Variants in ADCY3 observed in about 807,000 individuals in gnomAD.
ADCY3 encodes adenylate cyclase type 3.
In ADCY3, 70 loss-of-function variants were observed where a neutral mutation model predicts 119.4. The observed-to-expected ratio is 0.59, with a 90% CI of 0.48 to 0.72. The LOEUF (loss-of-function observed/expected upper bound fraction) is 0.72. ADCY3 is among the 30% of genes least tolerant of loss of function. The pLI is 0.00. For synonymous variants in ADCY3, 672 were observed against 621.4 expected (o/e 1.08, Z -1.21); for missense variants, 1,238 against 1,541.6 (o/e 0.80, Z 3.30).
In ADCY3 at chr2:24,906,648, G is replaced by A. The variant is rs114977199; in HGVS notation, c.675+11665C>T. 2.5e-3 allele frequency among the ~76,000 whole-genome samples: 381 copies of A among 152,330 alleles called. 1 individual carries two copies. The highest frequency in any genetic ancestry group is 8.5e-3 in the African/African-American group (354 of 41,578). ...AACAACCCTCGGCACCATGCCATGC[G>A]CTTTGCTCAGATTCCCCTTCAGGAA... On this transcript the variant is annotated intron_variant, in intron 2 of 21. Coordinates refer to ENST00000679454, the MANE Select transcript of ADCY3 (RefSeq NM_004036.5).
intron 2 of ADCY3, among the ~76,000 whole-genome samples, chr2:24,912,995 C>T (rs1444454710): frequency 2.6e-5 from 4 of 152,240 alleles, no homozygotes; most frequent in Non-Finnish European, 4.4e-5. Context: ...TCCCCTTCTA[C>T]GCACGTCATC....
chr2:24,866,301 A>G (rs780464364), intron 3 of ADCY3, among the ~76,000 whole-genome samples: 3 of 152,082 alleles, frequency 2.0e-5, no homozygotes, highest in South Asian at 2.1e-4. Flanking sequence ...TCCCATCCAC[A>G]ATATCTAGTA....
intron 19 of ADCY3, 78 bp downstream of exon 19, chr2:24,822,433 C>CACAG: frequency 6.4e-7 from 1 of 1,572,968 alleles, no homozygotes; most frequent in Non-Finnish European, 8.7e-7. Flanking sequence ...GTTCTTATTT[C>CACAG]CCCCATGCTA....
At chr2:24,864,957 T>TACAC (rs1444824336) in intron 3 of ADCY3, among the ~76,000 whole-genome samples, 1 of 152,242 alleles carries the variant, frequency 6.6e-6, no homozygotes, top group Non-Finnish European at 1.5e-5. Context: ...CTTCCACAGA[T>TACAC]ACACTTGCAC....
intron 6 of ADCY3, among the ~76,000 whole-genome samples, chr2:24,840,286 TTC>T: frequency 6.6e-6 from 1 of 152,230 alleles, no homozygotes; most frequent in Non-Finnish European, 1.5e-5. Flanking sequence ...GGGCCTCAGT[TTC>T]TCTCTGCCAA....
At chr2:24,901,076 A>C (rs6723199) in intron 2 of ADCY3, among the ~76,000 whole-genome samples, 4,649 of 152,280 alleles carry the variant, frequency 0.031, 218 homozygotes, top group African/African-American at 0.099. Flanking sequence ...AAAAAAAAGG[A>C]AAATGAAAGA....
At chr2:24,903,692 C>T (rs1679163542) in intron 2 of ADCY3, among the ~76,000 whole-genome samples, 1 of 151,216 alleles carries the variant, frequency 6.6e-6, no homozygotes, top group South Asian at 2.1e-4. Context: ...GGGTGAGGGG[C>T]GGGGAGGAAT....
rs148690748 is a variant in ADCY3, at chr2:24,819,903, G to A, written c.*29C>T. ...TTTCAAAAAATAAATTCTCCCTTCC[G>A]GTTTGGACTGTTGCAGGCTCGAGGC... is the stretch of plus-strand genomic sequence containing the variant. On this transcript the variant is annotated 3_prime_UTR_variant, in exon 22 of 22. Transcript: ENST00000679454. The A allele has an allele frequency of 4.2e-5, 67 of 1,607,860 alleles. No individual in the cohort carries two copies. Among genetic ancestry groups the A allele is most frequent in the Middle Eastern group, 3.3e-4 (2 of 6,030 alleles).
intron 19 of ADCY3, 162 bp downstream of exon 19, chr2:24,822,349 T>C (rs895420601): frequency 4.8e-6 from 5 of 1,049,330 alleles, no homozygotes; most frequent in Admixed American, 4.7e-5. Context: ...TGCCGAACTT[T>C]CTCAATAAAC....
chr2:24,831,819 G>A, intron 11 of ADCY3, 70 bp from the exon 12 acceptor site: 1 of 673,138 alleles, frequency 1.5e-6, no homozygotes, highest in Non-Finnish European at 2.4e-6. Context: ...GCTAGGAGAG[G>A]AAGGGACGGG....
intron 2 of ADCY3, among the ~76,000 whole-genome samples, chr2:24,904,618 CA>C (rs201993608): frequency 6.6e-6 from 1 of 151,348 alleles, no homozygotes; most frequent in Non-Finnish European, 1.5e-5. Flanking sequence ...AGAAGGCAAC[CA>C]AAAAAAACGG....
intron 11 of ADCY3, among the ~76,000 whole-genome samples, 169 bp from the exon 12 acceptor site, chr2:24,831,918 G>GGGACAGC (rs1417540399): frequency 1.4e-5 from 1 of 69,292 alleles, no homozygotes; most frequent in African/African-American, 4.7e-5. Context: ...CAGGGGCCAG[G>GGGACAGC]GGACAGCGGA....
rs557120288 is a variant in ADCY3 at position 24,840,147 on chromosome 2, C to T, written c.1197-116G>A. ...CCTCTTCCCCTCCACAAGAGGGGGC[C>T]TGGCAAGGTCCCCACAGCTTGGTGT... On this transcript the variant is annotated intron_variant, in intron 6 of 21. Coordinates refer to ENST00000679454, the MANE Select transcript of ADCY3 (RefSeq NM_004036.5). 10 of 1,372,594 alleles carry T rather than the reference C, an allele frequency of 7.3e-6. No individual in the cohort carries two copies. The South Asian group carries it at 1.2e-4, about 17-fold the overall frequency. The allele number at this position is 1,372,594 out of a possible 1,614,324, so 85.0% of individuals were successfully genotyped here. A position where few individuals can be genotyped will look rare whatever the true frequency, so the allele number is the denominator to read the frequency against.
chr2:24,834,457 T>G lies in ADCY3; in HGVS notation c.1967+28A>C. On this transcript the variant is annotated intron_variant, in intron 11 of 21. Coordinates refer to ENST00000679454, the MANE Select transcript of ADCY3 (RefSeq NM_004036.5). This position sits in a 1 kb window ranked among gnomAD's most constrained non-coding sequence, Gnocchi z 4.2. ...CCGGCACCACCGCAGCCGAGGAAACTCGTGGCCCTCCCCGGCCCCTCCCTC... is the reference window on the plus strand; with the variant it reads ...CCGGCACCACCGCAGCCGAGGAAACGCGTGGCCCTCCCCGGCCCCTCCCTC... 8.2e-7 allele frequency: 1 copy of G among 1,217,624 alleles called. No individual in the cohort carries two copies. The highest frequency in any genetic ancestry group is 1.8e-5 in the African/African-American group (1 of 56,466). The allele number at this position is 1,217,624 out of a possible 1,614,324, so 75.4% of individuals were successfully genotyped here. A position where few individuals can be genotyped will look rare whatever the true frequency, so the allele number is the denominator to read the frequency against.
intron 2 of ADCY3, among the ~76,000 whole-genome samples, chr2:24,915,323 G>A (rs1482668799): frequency 6.6e-6 from 1 of 152,154 alleles, no homozygotes; most frequent in Non-Finnish European, 1.5e-5. Context: ...CTGGGGTCTG[G>A]AGAAAGTTCT....
chr2:24,911,676 C>T (rs1026573033), intron 2 of ADCY3, among the ~76,000 whole-genome samples: 1 of 145,732 alleles, frequency 6.9e-6, no homozygotes, highest in Admixed American at 6.7e-5. Flanking sequence ...ACACACACCA[C>T]CAAGCCCAGC....
chr2:24,853,411 T>C (rs1672616903), intron 3 of ADCY3, among the ~76,000 whole-genome samples: 1 of 151,860 alleles, frequency 6.6e-6, no homozygotes, highest in South Asian at 2.1e-4. Flanking sequence ...CCTGTAATCC[T>C]TTTTTATTGT....
At chr2:24,888,795 G>A (rs902930330) in intron 2 of ADCY3, among the ~76,000 whole-genome samples, 3 of 152,246 alleles carry the variant, frequency 2.0e-5, no homozygotes, top group Non-Finnish European at 2.9e-5. Flanking sequence ...GATCACCTGA[G>A]GTGAAGAGTT....
intron 2 of ADCY3, among the ~76,000 whole-genome samples, chr2:24,901,779 T>TAAA (rs5829948): frequency 1.2e-4 from 15 of 128,622 alleles, no homozygotes; most frequent in Non-Finnish European, 2.0e-4. Context: ...ACCTCATCTT[T>TAAA]AAAAAAAAAA....
Sources: gnomAD v4.1 joint callset for allele counts (sites outside exome capture counted in the v4.1 genomes callset) on GRCh38, gnomAD v4.1.1 for gene constraint, Gnocchi (gnomAD v3.1) non-coding constraint, MANE v1.5 for transcripts, NCBI Gene and HGNC (gene_info 2026-07-23, HGNC 2026-07-21) for gene names.